LARP4B: variants seen among roughly 807,000 people sequenced by gnomAD.
LARP4B encodes the protein La ribonucleoprotein 4B.
LARP4B carries 12 observed loss-of-function variants against 89.8 expected under a neutral mutation model. The observed-to-expected ratio is 0.13, with a 90% confidence interval of 0.09 to 0.22. LARP4B has a LOEUF of 0.22. LARP4B is among the 10% of genes least tolerant of loss of function. The pLI, the probability that LARP4B is intolerant of heterozygous loss-of-function variation, is 1.00. For synonymous variants in LARP4B, 367 were observed against 363.3 expected, an observed-to-expected ratio of 1.01 and a Z score of -0.12; for missense variants, 757 against 947.7, an observed-to-expected ratio of 0.80 and a Z score of 2.64.
chr10:975,284 G>A, the LARP4B span, among the ~76,000 whole-genome samples: 1 of 152,226 alleles, frequency 6.6e-6, no homozygotes, highest in South Asian at 2.1e-4. Context: ...TCCACCCGTG[G>A]TGTCCCGAGC....
intron 3 of LARP4B, among the ~76,000 whole-genome samples, chr10:867,904 T>G (rs1435859859): frequency 6.7e-6 from 1 of 150,214 alleles, no homozygotes; most frequent in Non-Finnish European, 1.5e-5. Flanking sequence ...GTCGTCTGCT[T>G]GACTATAAGT....
chr10:973,155 C>T, the LARP4B span, among the ~76,000 whole-genome samples: 2 of 152,054 alleles, frequency 1.3e-5, no homozygotes, highest in African/African-American at 4.8e-5. Flanking sequence ...CTATGAGAGT[C>T]CCACCTGCCA....
intron 1 of LARP4B, among the ~76,000 whole-genome samples, chr10:904,478 T>TG (rs200555529): frequency 4.4e-4 from 55 of 124,980 alleles, no homozygotes; most frequent in African/African-American, 1.3e-3. Context: ...CACTTGAGCC[T>TG]GGGGGGCGGA....
At chr10:831,995 A>T (rs1012579049) in intron 8 of LARP4B, among the ~76,000 whole-genome samples, 1 of 152,224 alleles carries the variant, frequency 6.6e-6, no homozygotes, top group Non-Finnish European at 1.5e-5. Flanking sequence ...AAAGGTAAAG[A>T]CTGAGCATAT....
the LARP4B span, among the ~76,000 whole-genome samples, chr10:976,583 T>C: frequency 2.8e-5 from 4 of 143,594 alleles, no homozygotes; most frequent in Non-Finnish European, 6.0e-5. Flanking sequence ...TAGTAGAAGG[T>C]AGGCCTGCCG....
At chr10:825,456 T>C (rs1318075348) in intron 12 of LARP4B, 140 bp from the exon 13 acceptor site, 2 of 824,242 alleles carry the variant, frequency 2.4e-6, no homozygotes, top group African/African-American at 3.4e-5. Context: ...AATGGTTAAC[T>C]CCTAACATAT....
At position 822,647 on chromosome 10, in the gene LARP4B, G is replaced by C. The variant is rs1339923149; in HGVS notation, c.1485-1802C>G. On this transcript the variant is annotated intron_variant, in intron 13 of 17. Transcript: ENST00000316157. This position sits in a 1 kb window ranked among gnomAD's most constrained non-coding sequence, Gnocchi z 4.6. ...AAGGCTCAGTGACAGGGCCATGGTG[G>C]GTTACAGCTCACAAGGGGTAGCAAG... Among the ~76,000 whole-genome samples the C allele has an allele frequency of 6.6e-6, 1 of 152,216 alleles. No individual in the cohort carries two copies. The highest frequency in any genetic ancestry group is 2.4e-5 in the African/African-American group (1 of 41,448).
At chr10:836,273 AAC>A (rs759507697) in intron 8 of LARP4B, 128 bp downstream of exon 8, 20 of 612,538 alleles carry the variant, frequency 3.3e-5, no homozygotes, top group African/African-American at 1.8e-5. Context: ...ATCCTGGGAA[AAC>A]AGTGTTAATG....
rs12262823 is a variant in LARP4B at position 822,697 on chromosome 10, T to C, written c.1485-1852A>G. Among the ~76,000 whole-genome samples, 779 of 152,220 alleles carry C rather than the reference T, an allele frequency of 5.1e-3. 10 individuals carry two copies. The highest frequency in any genetic ancestry group is 0.017 in the African/African-American group (723 of 41,536). The stretch of plus-strand genomic sequence containing the variant: ...GGGACCCAGGGTGGTCCCAGCACCA[T>C]AGAGGAAACATCACTGTGACACCCG... On this transcript the variant is annotated intron_variant, in intron 13 of 17. Transcript: ENST00000316157. This position sits in a 1 kb window ranked among gnomAD's most constrained non-coding sequence, Gnocchi z 4.6.
intron 1 of LARP4B, among the ~76,000 whole-genome samples, chr10:906,571 C>A (rs1171431208): frequency 6.8e-6 from 1 of 147,828 alleles, no homozygotes; most frequent in Non-Finnish European, 1.5e-5. Context: ...AAGGAGTCTA[C>A]CTCCTTGTCT....
the LARP4B span, among the ~76,000 whole-genome samples, chr10:976,164 G>A: frequency 3.2e-4 from 48 of 150,170 alleles, no homozygotes; most frequent in African/African-American, 1.1e-3. Context: ...CGTAAGGTGC[G>A]GCCCGCCCTA....
chr10:866,592 C>T (rs770127194), intron 3 of LARP4B, among the ~76,000 whole-genome samples: 1 of 152,190 alleles, frequency 6.6e-6, no homozygotes, highest in Non-Finnish European at 1.5e-5. Flanking sequence ...ATTCTCTTTC[C>T]CACTCTAATA....
chr10:947,150 G>A, the LARP4B span, among the ~76,000 whole-genome samples: 26 of 152,058 alleles, frequency 1.7e-4, no homozygotes, highest in African/African-American at 5.6e-4. Context: ...GATTACAGGC[G>A]TGAGCCACTA....
the LARP4B span, among the ~76,000 whole-genome samples, chr10:970,831 T>C: frequency 1.3e-5 from 2 of 151,956 alleles, no homozygotes; most frequent in African/African-American, 2.4e-5. Flanking sequence ...GCAAAGGAAA[T>C]GGAAGGCAGA....
intron 7 of LARP4B, among the ~76,000 whole-genome samples, chr10:842,351 C>A (rs1833564415): frequency 6.6e-6 from 1 of 152,118 alleles, no homozygotes; most frequent in South Asian, 2.1e-4. Context: ...GCACACACCA[C>A]CACGCCCAGC....
At chr10:956,643 G>A in the LARP4B span, among the ~76,000 whole-genome samples, 6,424 of 152,170 alleles carry the variant, frequency 0.042, 173 homozygotes, top group Admixed American at 0.08. This position sits in a 1 kb window ranked among gnomAD's most constrained non-coding sequence, Gnocchi z 4.3. Context: ...CACTGTGCCC[G>A]GCCCAAAAAT....
the LARP4B span, among the ~76,000 whole-genome samples, chr10:982,345 C>G: frequency 6.6e-6 from 1 of 152,128 alleles, no homozygotes; most frequent in Non-Finnish European, 1.5e-5. Context: ...GCCACCTTGG[C>G]CTCCCAAAGT....
intron 13 of LARP4B, 136 bp downstream of exon 13, chr10:824,929 T>C: frequency 2.3e-6 from 2 of 877,270 alleles, no homozygotes; most frequent in Non-Finnish European, 3.3e-6. Context: ...TTAGCAATTA[T>C]ATAAAACCCT....
chr10:972,655 T>G, the LARP4B span: 3 of 457,292 alleles, frequency 6.6e-6, no homozygotes, highest in East Asian at 1.4e-4. Flanking sequence ...TGTAAGCCGT[T>G]TGACTGGTAT....
Sources: gnomAD v4.1 joint callset for allele counts (sites outside exome capture counted in the v4.1 genomes callset) on GRCh38, gnomAD v4.1.1 for gene constraint, Gnocchi (gnomAD v3.1) non-coding constraint, MANE v1.5 for transcripts, NCBI Gene and HGNC (gene_info 2026-07-23, HGNC 2026-07-21) for gene names.